Variants in MREG observed in about 807,000 individuals in gnomAD.
MREG encodes the protein dilute suppressor protein homolog.
Under a neutral mutation model 28.5 loss-of-function variants are expected in MREG, and 31 were observed. That is an observed-to-expected ratio of 1.09 (90% CI 0.82 to 1.47). MREG has a LOEUF of 1.47. Among genes scored for constraint, MREG ranks in the 40% most tolerant of loss-of-function variants. The probability of loss-of-function intolerance (pLI) is 0.00; values close to 1 mark genes in which losing one functional copy is unlikely to be tolerated. For missense variants in MREG, 256 were observed against 257.4 expected (o/e 0.99, Z 0.04); for synonymous variants, 106 against 95.2 (o/e 1.11, Z -0.66).
intron 2 of MREG, among the ~76,000 whole-genome samples, chr2:215,973,435 A>G (rs1693157809): frequency 1.3e-5 from 2 of 152,206 alleles, no homozygotes; most frequent in African/African-American, 4.8e-5. Flanking sequence ...GGATTCAAAG[A>G]GTGGACACCC....
chr2:216,011,085 G>C (rs1042217370), intron 1 of MREG, among the ~76,000 whole-genome samples: 1 of 123,166 alleles, frequency 8.1e-6, no homozygotes, highest in Non-Finnish European at 1.6e-5. Context: ...AACAGAGCAA[G>C]ACTCCGTCTC....
At chr2:215,949,077 ACTAC>A (rs1559173517) in intron 2 of MREG, among the ~76,000 whole-genome samples, 2,865 of 119,364 alleles carry the variant, frequency 0.024, 47 homozygotes, top group African/African-American at 0.042. Context: ...TACTACTACT[ACTAC>A]TACTACTAAT....
chr2:216,006,868 G>T (rs1031547422), intron 1 of MREG, among the ~76,000 whole-genome samples: 12 of 152,034 alleles, frequency 7.9e-5, no homozygotes, highest in Admixed American at 7.2e-4. Flanking sequence ...CTTTCCCACT[G>T]GCACCTGGTT....
At chr2:216,004,298 A>G (rs1417845824) in intron 1 of MREG, among the ~76,000 whole-genome samples, 1 of 152,066 alleles carries the variant, frequency 6.6e-6, no homozygotes, top group East Asian at 1.9e-4. Flanking sequence ...TTTCCTACAC[A>G]CTTATTTATC....
At chr2:215,956,173 G>C (rs1692623666) in intron 2 of MREG, among the ~76,000 whole-genome samples, 2 of 152,170 alleles carry the variant, frequency 1.3e-5, no homozygotes, top group South Asian at 4.1e-4. Flanking sequence ...CAGATCCAGG[G>C]ATCAGCCTAC....
intron 1 of MREG, among the ~76,000 whole-genome samples, chr2:216,009,927 C>T (rs918154608): frequency 6.6e-6 from 1 of 152,198 alleles, no homozygotes; most frequent in African/African-American, 2.4e-5. Flanking sequence ...ATGCTTTGGG[C>T]TCACACATCT....
At chr2:215,958,422 C>A (rs1692690404) in intron 2 of MREG, among the ~76,000 whole-genome samples, 1 of 152,176 alleles carries the variant, frequency 6.6e-6, no homozygotes, top group Non-Finnish European at 1.5e-5. Flanking sequence ...CACATTTTAA[C>A]AAACATCCAA....
intron 2 of MREG, among the ~76,000 whole-genome samples, chr2:215,978,613 A>G (rs1042056137): frequency 2.0e-5 from 3 of 152,240 alleles, no homozygotes; most frequent in African/African-American, 7.2e-5. Flanking sequence ...TCTCTGATGA[A>G]TATCGATGCA....
chr2:215,957,310 C>T (rs543180813), intron 2 of MREG, among the ~76,000 whole-genome samples: 13 of 152,152 alleles, frequency 8.5e-5, no homozygotes, highest in South Asian at 2.1e-4. Flanking sequence ...GTTCTTTTTC[C>T]GAAGGGTGGA....
At position 215,960,606 on chromosome 2, in the gene MREG, C is replaced by T. The variant is rs936358248; in HGVS notation, c.256-13493G>A. On this transcript the variant is annotated intron_variant, in intron 2 of 4. Transcript: ENST00000263268. ...ATCCCAGCACTTTGGGAGGCTGAGG[C>T]GGGCGGATCACAAGGTCAGGAGATC... 4.6e-5 allele frequency among the ~76,000 whole-genome samples: 7 copies of T among 152,052 alleles called. No homozygotes were observed. In the East Asian group the frequency reaches 5.9e-4, roughly 13 times the overall value.
Position 215,944,812 on chromosome 2 carries a change from G to A in MREG, c.*51C>T. The A allele has an allele frequency of 6.6e-7, 1 of 1,514,804 alleles. No individual in the cohort carries two copies. Among genetic ancestry groups the A allele is most frequent in the Non-Finnish European group, 9.0e-7 (1 of 1,116,488 alleles). 93.8% of individuals were successfully genotyped at this position (1,514,804 alleles called of 1,614,324 possible). On this transcript the variant is annotated 3_prime_UTR_variant, in exon 5 of 5. Coordinates refer to ENST00000263268, the MANE Select transcript of MREG (RefSeq NM_018000.3). Reference sequence around the variant, plus strand: ...TACATGTAATTGTCCAACTTTGGTTGACTGCTGAGTCCTCATGGAAGAATT... The same window carrying A: ...TACATGTAATTGTCCAACTTTGGTTAACTGCTGAGTCCTCATGGAAGAATT...
chr2:215,997,665 C>G (rs988822852), intron 1 of MREG, among the ~76,000 whole-genome samples: 1 of 152,064 alleles, frequency 6.6e-6, no homozygotes, highest in African/African-American at 2.4e-5. Context: ...AGTGGGAGCT[C>G]AGGAGGCCAT....
chr2:215,989,914 G>T (rs540551769), intron 2 of MREG, among the ~76,000 whole-genome samples: 13 of 152,202 alleles, frequency 8.5e-5, no homozygotes, highest in African/African-American at 3.1e-4. Context: ...CCAAATCTAT[G>T]TTTGATTGGT....
intron 1 of MREG, among the ~76,000 whole-genome samples, chr2:216,030,954 T>TCACACA (rs1351013731): frequency 1.6e-4 from 18 of 109,470 alleles, no homozygotes; most frequent in Non-Finnish European, 2.5e-4. Flanking sequence ...TCTCTCTCTC[T>TCACACA]CTCACACACA....
intron 1 of MREG, among the ~76,000 whole-genome samples, chr2:216,006,224 G>C (rs1013507963): frequency 6.6e-6 from 1 of 152,220 alleles, no homozygotes; most frequent in Non-Finnish European, 1.5e-5. Flanking sequence ...GTCACAAAAA[G>C]AGAAGAGGGA....
intron 2 of MREG, among the ~76,000 whole-genome samples, chr2:215,954,994 C>T (rs1692586095): frequency 6.6e-6 from 1 of 152,206 alleles, no homozygotes; most frequent in Non-Finnish European, 1.5e-5. Flanking sequence ...TGAGCCACCT[C>T]ACCTGGCCAC....
At chr2:215,941,998 C>T (rs1382248447), downstream of MREG, among the ~76,000 whole-genome samples, 1 of 152,282 alleles carries the variant, frequency 6.6e-6, no homozygotes, top group Admixed American at 6.5e-5. Flanking sequence ...GATGCTGGTG[C>T]CCTCTCACCA....
At chr2:215,952,392 C>T (rs572052379) in intron 2 of MREG, among the ~76,000 whole-genome samples, 19 of 152,188 alleles carry the variant, frequency 1.2e-4, no homozygotes, top group East Asian at 3.9e-4. Flanking sequence ...AATTTGACTG[C>T]GGCAATCACC....
chr2:216,005,444 C>CTTTTTTTTTT (rs58288878), intron 1 of MREG, among the ~76,000 whole-genome samples: 18 of 86,330 alleles, frequency 2.1e-4, no homozygotes, highest in South Asian at 5.0e-4. Flanking sequence ...TCTAGTTATT[C>CTTTTTTTTTT]TTTTTTTTTT....
Sources: allele counts gnomAD v4.1 joint callset (sites outside exome capture counted in the v4.1 genomes callset), GRCh38; gene constraint gnomAD v4.1.1; transcripts MANE v1.5; gene names NCBI Gene and HGNC (gene_info 2026-07-23, HGNC 2026-07-21).